The following EFCC1 variants were observed in gnomAD, a reference collection of about 807,000 sequenced individuals.
EFCC1 encodes the protein EF-hand and coiled-coil domain containing 1.
A neutral mutation model predicts 52.1 loss-of-function variants in EFCC1; 50 were observed. That is an observed-to-expected ratio of 0.96 (90% CI 0.76 to 1.21). The LOEUF (loss-of-function observed/expected upper bound fraction) is 1.21, where lower values mean the gene tolerates loss of function less well. Ranked by LOEUF, EFCC1 falls within the 50% of genes most tolerant of loss-of-function variation. EFCC1 has a pLI of 0.00. For synonymous variants in EFCC1, 399 were observed against 396.5 expected, an observed-to-expected ratio of 1.01 and a Z score of -0.08; for missense variants, 837 against 867.3, an observed-to-expected ratio of 0.97 and a Z score of 0.44.
intron 3 of EFCC1, 105 bp from the exon 4 acceptor site, chr3:129,032,713 TG>T: frequency 6.9e-7 from 1 of 1,441,572 alleles, no homozygotes; most frequent in Non-Finnish European, 9.2e-7. Context: ...AGAGGGGACA[TG>T]GCACAAGAGC....
At chr3:129,011,546 G>A (rs1332448881) in intron 2 of EFCC1, among the ~76,000 whole-genome samples, 1 of 143,916 alleles carries the variant, frequency 6.9e-6, no homozygotes, top group Non-Finnish European at 1.5e-5. Context: ...GCAAGACTCC[G>A]TCTCAAAAAA....
rs1227391153 is a variant in EFCC1, at chr3:129,027,141, C to G, written c.981-3562C>G. Among the ~76,000 whole-genome samples the G allele has an allele frequency of 1.4e-3, 212 of 150,772 alleles. 3 individuals are homozygous for G. Among genetic ancestry groups the G allele is most frequent in the African/African-American group, 4.6e-3 (187 of 40,316 alleles). ...CAGGCAGTCAGCGAAACGCCGGAAA[C>G]GCCTGCAGACGCCTGCAGACGCTCC... On this transcript the variant is annotated intron_variant, in intron 2 of 7. Transcript: ENST00000683648.
chr3:129,011,824 C>T (rs1327845301), intron 2 of EFCC1, among the ~76,000 whole-genome samples: 1 of 152,162 alleles, frequency 6.6e-6, no homozygotes, highest in Non-Finnish European at 1.5e-5. Flanking sequence ...CTCTCTCGAG[C>T]CTGAGGCTTT....
At chr3:129,019,274 A>G (rs1945726475) in intron 2 of EFCC1, among the ~76,000 whole-genome samples, 3 of 152,354 alleles carry the variant, frequency 2.0e-5, no homozygotes, top group Admixed American at 6.5e-5. Context: ...TTAGGTGTTC[A>G]GTCCACCTGG....
At chr3:129,008,601 C>T (rs1044047970) in intron 2 of EFCC1, among the ~76,000 whole-genome samples, 1 of 152,046 alleles carries the variant, frequency 6.6e-6, no homozygotes, top group Non-Finnish European at 1.5e-5. Context: ...GACCAATCCC[C>T]GTGCCACAAT....
intron 2 of EFCC1, among the ~76,000 whole-genome samples, chr3:129,015,394 A>G (rs114563945): frequency 0.015 from 2,334 of 151,528 alleles, 56 homozygotes; most frequent in African/African-American, 0.054. Flanking sequence ...TATTTTTGTG[A>G]TGACTTCATT....
At chr3:129,038,064 A>C (rs202219277) in intron 6 of EFCC1, among the ~76,000 whole-genome samples, 1 of 29,348 alleles carries the variant, frequency 3.4e-5, no homozygotes, top group African/African-American at 5.8e-4. Context: ...ACCTTATCTC[A>C]AAAAAAAAAA....
rs1944811524 is a variant in EFCC1 at position 129,002,169 on chromosome 3, C to T, written c.541C>T (p.Arg181Cys). 5 of 1,474,922 alleles carry T rather than the reference C, an allele frequency of 3.4e-6. No homozygotes were observed. The highest frequency in any genetic ancestry group is 3.6e-6 in the Non-Finnish European group (4 of 1,124,096). The allele number at this position is 1,474,922 out of a possible 1,614,324, so 91.4% of individuals were successfully genotyped here. The change falls in exon 1 of 8, where the codon CGC becomes TGC. Residue 181 changes from arginine to cysteine, a missense_variant. Arg to Cys is a radical substitution (Grantham distance 180). Transcript: ENST00000683648. ...GCAGATCCGCCTGCGCCGTCCGCGC[C>T]GCCGCCGCCGCCCGCCCTGCGCGCC... The part of the protein sequence containing the change: ...ETQIRLRRPR[R>C]RRRPPCAPGP...
At chr3:129,034,512 C>T (rs1946332624) in intron 5 of EFCC1, among the ~76,000 whole-genome samples, 183 bp downstream of exon 5, 1 of 152,144 alleles carries the variant, frequency 6.6e-6, no homozygotes, top group Non-Finnish European at 1.5e-5. Context: ...ATTAAAGGAT[C>T]CCACCTCAAA....
At chr3:129,002,643 G>T in intron 1 of EFCC1, 1 of 407,628 alleles carries the variant, frequency 2.5e-6, no homozygotes, top group Non-Finnish European at 4.3e-6. Flanking sequence ...ACCTGTCTGG[G>T]TAGTCTCACA....
At chr3:129,018,567 G>A (rs2107904441) in intron 2 of EFCC1, among the ~76,000 whole-genome samples, 2 of 152,262 alleles carry the variant, frequency 1.3e-5, no homozygotes, top group African/African-American at 4.8e-5. Context: ...TTTACTCTCT[G>A]GCCCTTTATG....
At chr3:129,007,501 A>G (rs1160239038) in intron 2 of EFCC1, among the ~76,000 whole-genome samples, 1 of 152,222 alleles carries the variant, frequency 6.6e-6, no homozygotes, top group African/African-American at 2.4e-5. Context: ...GCTTGAAGCC[A>G]TTTGGTTAGA....
intron 2 of EFCC1, among the ~76,000 whole-genome samples, chr3:129,027,598 C>T (rs1387754680): frequency 6.6e-6 from 1 of 152,176 alleles, no homozygotes; most frequent in Non-Finnish European, 1.5e-5. Flanking sequence ...GAGCAGGGGT[C>T]TTTGTGTTCC....
intron 6 of EFCC1, among the ~76,000 whole-genome samples, chr3:129,038,597 G>A (rs987177193): frequency 1.3e-5 from 2 of 152,222 alleles, no homozygotes; most frequent in East Asian, 3.8e-4. Flanking sequence ...CCTTAGGTAC[G>A]TGATCTTTGA....
rs1400030192 is a variant in EFCC1 at position 129,005,738 on chromosome 3, A to C, written c.980+1661A>C. 2.0e-5 allele frequency among the ~76,000 whole-genome samples: 3 copies of C among 152,304 alleles called. No homozygotes were observed. In the East Asian group the frequency reaches 5.8e-4, roughly 29 times the overall value. ...GACATCTGAGAAGCTCACAGCTGGG[A>C]GATGGTAAGGCATGGGGCTAGAGGG... On this transcript the variant is annotated intron_variant, in intron 2 of 7. Coordinates refer to ENST00000683648, the MANE Select transcript of EFCC1 (RefSeq NM_001377500.1).
Position 129,002,122 on chromosome 3 carries a change from C to T in EFCC1, c.494C>T (p.Ala165Val). 1 of 1,477,494 alleles carries T rather than the reference C, an allele frequency of 6.8e-7. No individual in the cohort carries two copies. Among genetic ancestry groups the T allele is most frequent in the Non-Finnish European group, 8.9e-7 (1 of 1,120,664 alleles). 91.5% of individuals were successfully genotyped at this position (1,477,494 alleles called of 1,614,324 possible). Residue 165 changes from alanine (A) to valine (V), a missense_variant, in exon 1 of 8, where the codon GCT (alanine) becomes GTT (valine). Ala to Val is a moderately conservative substitution (Grantham distance 64). Transcript: ENST00000683648. ...GCGGGGCCCCGGCTGCCCCGCGGCG[C>T]TCTCAGCGAGCACATCGAGACGCAG... Reference protein sequence around the residue: ...TRAGPRLPRGALSEHIETQIR... With the variant: ...TRAGPRLPRGVLSEHIETQIR...
At chr3:129,025,098 A>C (rs1946046843) in intron 2 of EFCC1, among the ~76,000 whole-genome samples, 1 of 152,148 alleles carries the variant, frequency 6.6e-6, no homozygotes. Flanking sequence ...GAGGTGCCAC[A>C]GTTAAGTTCG....
At chr3:129,029,683 C>T (rs1256504665) in intron 2 of EFCC1, among the ~76,000 whole-genome samples, 2 of 151,292 alleles carry the variant, frequency 1.3e-5, no homozygotes, top group African/African-American at 2.4e-5. Context: ...CTCCCAGGTT[C>T]AAGCGATTCT....
At chr3:129,033,172 G>T (rs114441516) in intron 4 of EFCC1, among the ~76,000 whole-genome samples, 3,298 of 152,298 alleles carry the variant, frequency 0.022, 91 homozygotes, top group African/African-American at 0.063. Context: ...GGCACATCTC[G>T]TGGCTGGCTT....
Sources: gnomAD v4.1 joint callset for allele counts (sites outside exome capture counted in the v4.1 genomes callset) on GRCh38, gnomAD v4.1.1 for gene constraint, MANE v1.5 for transcripts, NCBI Gene and HGNC (gene_info 2026-07-23, HGNC 2026-07-21) for gene names.